Variants in PLCH1 observed in about 807,000 individuals in gnomAD.
The protein encoded by PLCH1 is phospholipase C eta 1, also known as 1-phosphatidylinositol 4,5-bisphosphate phosphodiesterase eta-1.
In PLCH1, 60 loss-of-function variants were observed where a neutral mutation model predicts 126.7. The ratio of observed to expected loss-of-function variants is 0.47; its 90% CI spans 0.38 to 0.59. The LOEUF (loss-of-function observed/expected upper bound fraction) is 0.59. Ranked by LOEUF, PLCH1 falls within the 20% of genes least tolerant of loss-of-function variation. The probability of loss-of-function intolerance (pLI) is 0.00; values close to 1 mark genes in which losing one functional copy is unlikely to be tolerated. For synonymous variants in PLCH1, 719 were observed against 734.9 expected (o/e 0.98, Z 0.35); for missense variants, 1,723 against 2,040.0 (o/e 0.84, Z 2.99).
intron 12 of PLCH1, among the ~76,000 whole-genome samples, chr3:155,513,334 C>T (rs1282166884): frequency 6.6e-6 from 1 of 152,196 alleles, no homozygotes; most frequent in African/African-American, 2.4e-5. Flanking sequence ...GGTTCTCTTA[C>T]CACTTTACCT....
chr3:155,629,426 G>A (rs144380494), intron 2 of PLCH1, among the ~76,000 whole-genome samples: 360 of 152,272 alleles, frequency 2.4e-3, no homozygotes, highest in Non-Finnish European at 4.0e-3. Context: ...AGACTTGCTC[G>A]TATAACTGCT....
In PLCH1 at chr3:155,485,416, C is replaced by T. The variant is rs1466043049; in HGVS notation, c.2914G>A (p.Ala972Thr). The change falls in exon 22 of 23, where the codon GCT becomes ACT. Residue 972 changes from alanine to threonine, a missense_variant. Physicochemically the swap from Ala to Thr is moderately conservative, Grantham distance 58. This residue lies in a region of PLCH1 where 947 missense variants were observed against 977.1 expected (regional missense o/e 0.97). Coordinates refer to ENST00000460012, the MANE Select transcript of PLCH1 (RefSeq NM_014996.4). Reference protein sequence around the residue: ...SMPVDRNLLGALSLPVSETAK... With the variant: ...SMPVDRNLLGTLSLPVSETAK... The stretch of plus-strand genomic sequence containing the variant: ...GTTTCAGATACAGGCAGCGACAAAG[C>T]TCCCAGAAGGTTTCTGTCAACAGGC... The T allele has an allele frequency of 6.2e-7, 1 of 1,610,648 alleles. No homozygotes were observed. Among genetic ancestry groups the T allele is most frequent in the Non-Finnish European group, 8.5e-7 (1 of 1,176,980 alleles).
chr3:155,477,781 A>T (rs1339179761), downstream of PLCH1, among the ~76,000 whole-genome samples: 2 of 152,092 alleles, frequency 1.3e-5, no homozygotes, highest in Non-Finnish European at 2.9e-5. Flanking sequence ...AAAGGGAACC[A>T]TTGTACACTG....
chr3:155,642,305 T>C (rs1739487365), intron 2 of PLCH1, among the ~76,000 whole-genome samples: 1 of 152,154 alleles, frequency 6.6e-6, no homozygotes, highest in Non-Finnish European at 1.5e-5. Context: ...ACTGCATTCT[T>C]TAGTATAATG....
chr3:155,654,819 A>G (rs1254159161), intron 2 of PLCH1, among the ~76,000 whole-genome samples: 1 of 152,142 alleles, frequency 6.6e-6, no homozygotes, highest in Non-Finnish European at 1.5e-5. Context: ...AGAGAATCCT[A>G]CCATTGCCCC....
intron 2 of PLCH1, among the ~76,000 whole-genome samples, chr3:155,628,549 C>CTTT (rs56820929): frequency 7.0e-6 from 1 of 143,352 alleles, no homozygotes. Context: ...CTTCACCTCT[C>CTTT]TTTTTTTTTT....
intron 10 of PLCH1, among the ~76,000 whole-genome samples, chr3:155,533,963 T>C (rs1214838109): frequency 6.6e-6 from 1 of 152,184 alleles, no homozygotes; most frequent in South Asian, 2.1e-4. Flanking sequence ...AAAGGATGTA[T>C]GGAAACACCT....
At chr3:155,505,749 C>T (rs60945017) in intron 12 of PLCH1, among the ~76,000 whole-genome samples, 7,256 of 152,186 alleles carry the variant, frequency 0.048, 306 homozygotes, top group African/African-American at 0.11. Context: ...TCTATTAATG[C>T]GGATCATTAA....
chr3:155,653,122 GAT>G (rs1213900766), intron 2 of PLCH1, among the ~76,000 whole-genome samples: 2 of 3,768 alleles, frequency 5.3e-4, no homozygotes, highest in Non-Finnish European at 8.3e-4. Flanking sequence ...GATGTAGATA[GAT>G]ATAGATATAG....
At chr3:155,503,016 G>A (rs1261240730) in intron 13 of PLCH1, among the ~76,000 whole-genome samples, 1 of 152,170 alleles carries the variant, frequency 6.6e-6, no homozygotes, top group Non-Finnish European at 1.5e-5. Context: ...GAATTCTTAT[G>A]TAAGTTTTAC....
intron 2 of PLCH1, among the ~76,000 whole-genome samples, chr3:155,612,221 C>T (rs951746462): frequency 3.3e-5 from 5 of 151,262 alleles, no homozygotes; most frequent in Admixed American, 2.6e-4. Context: ...CCCAGCCACT[C>T]GGGAGGCTGA....
At chr3:155,523,800 C>T in intron 11 of PLCH1, 97 bp downstream of exon 11, 1 of 680,212 alleles carries the variant, frequency 1.5e-6, no homozygotes. Flanking sequence ...ACACCACAGC[C>T]ACCATAATTG....
At chr3:155,514,928 A>G in intron 11 of PLCH1, 44 bp from the exon 12 acceptor site, 2 of 1,357,520 alleles carry the variant, frequency 1.5e-6, no homozygotes, top group Non-Finnish European at 2.0e-6. Context: ...TAAGAAACAC[A>G]CCGAATTAGA....
intron 1 of PLCH1, among the ~76,000 whole-genome samples, chr3:155,731,234 C>T (rs1423412282): frequency 1.3e-5 from 2 of 152,206 alleles, no homozygotes; most frequent in Non-Finnish European, 2.9e-5. Context: ...AGGCCCATCC[C>T]GTTGGACCTA....
At chr3:155,728,992 G>A (rs898721122) in intron 1 of PLCH1, among the ~76,000 whole-genome samples, 14 of 152,116 alleles carry the variant, frequency 9.2e-5, no homozygotes, top group African/African-American at 3.4e-4. Flanking sequence ...TTGTGCGTAG[G>A]TCTAACATCC....
chr3:155,715,036 T>C (rs2109116430), intron 1 of PLCH1, among the ~76,000 whole-genome samples: 1 of 152,360 alleles, frequency 6.6e-6, no homozygotes, highest in South Asian at 2.1e-4. Context: ...TCAGGCTTTC[T>C]ATTTTTTCTA....
In PLCH1 at chr3:155,514,791, G is replaced by A; in HGVS notation, c.1564C>T (p.Pro522Ser). ...AGTGCCCGCACTGTGAAACTATCAG[G>A]ATCTTCTTTATCTCGAATTTGAGAT... ...KESQIRDKED[P>S]DSFTVRALLK... Residue 522 changes from proline (P) to serine (S), a missense_variant, in exon 12 of 23, where the codon CCT (proline) becomes TCT (serine). Physicochemically the swap from Pro to Ser is moderately conservative, Grantham distance 74. Coordinates refer to ENST00000460012, the MANE Select transcript of PLCH1 (RefSeq NM_014996.4). 1 of 1,613,102 alleles carries A rather than the reference G, an allele frequency of 6.2e-7. No homozygotes were observed. Among genetic ancestry groups the A allele is most frequent in the Non-Finnish European group, 8.5e-7 (1 of 1,179,300 alleles).
At chr3:155,541,285 T>G (rs1487759106) in intron 10 of PLCH1, among the ~76,000 whole-genome samples, 1 of 152,158 alleles carries the variant, frequency 6.6e-6, no homozygotes. Context: ...GGGTACAGTG[T>G]ACATTGCTGA....
Position 155,481,911 on chromosome 3 carries a change from C to T in PLCH1, c.4115G>A (p.Gly1372Asp). The change falls in exon 23 of 23, where the codon GGC (glycine) becomes GAC (aspartate). Residue 1372 changes from glycine (G) to aspartate (D), a missense_variant. Around this residue, in one of 2 missense-constraint regions of PLCH1, gnomAD observed 947 missense variants for 977.1 expected, o/e 0.97. Transcript: ENST00000460012. This position sits in a 1 kb window ranked among gnomAD's most constrained non-coding sequence, Gnocchi z 4.2. Reference protein sequence around the residue: ...SLTTCEYRREGTSQLASPLKL... With the variant: ...SLTTCEYRREDTSQLASPLKL... ...TAAAGGAGAAGCAAGTTGACTTGTGCCCTCTCTCCTATATTCACAGGTTGT... is the reference window on the plus strand; with the variant it reads ...TAAAGGAGAAGCAAGTTGACTTGTGTCCTCTCTCCTATATTCACAGGTTGT... The T allele has an allele frequency of 2.5e-6, 4 of 1,614,076 alleles. No individual in the cohort carries two copies. The South Asian group carries it at 3.3e-5, about 13-fold the overall frequency.
Sources: allele counts gnomAD v4.1 joint callset (sites outside exome capture counted in the v4.1 genomes callset), GRCh38; gene constraint gnomAD v4.1.1; regional missense constraint gnomAD v4.1.1; non-coding constraint Gnocchi (gnomAD v3.1); transcripts MANE v1.5; gene names NCBI Gene and HGNC (gene_info 2026-07-23, HGNC 2026-07-21).